Variants in NCOA2 observed in about 807,000 individuals in gnomAD.
The protein encoded by NCOA2 is class E basic helix-loop-helix protein 75.
A neutral mutation model predicts 145.1 loss-of-function variants in NCOA2; 21 were observed. The observed-to-expected ratio is 0.14, with a 90% CI of 0.10 to 0.21. The LOEUF is 0.21. Ranked by LOEUF, NCOA2 falls within the 10% of genes least tolerant of loss-of-function variation. The pLI, the probability that NCOA2 is intolerant of heterozygous loss-of-function variation, is 1.00. For missense variants in NCOA2, 1,472 were observed against 1,837.6 expected (o/e 0.80, Z 3.64); for synonymous variants, 619 against 637.5 (o/e 0.97, Z 0.44).
intron 1 of NCOA2, among the ~76,000 whole-genome samples, chr8:70,297,172 A>G (rs1827153921): frequency 6.6e-6 from 1 of 152,214 alleles, no homozygotes; most frequent in Non-Finnish European, 1.5e-5. Flanking sequence ...CCCACACTGC[A>G]TTCCTAGGGC....
the NCOA2 span, among the ~76,000 whole-genome samples, chr8:70,419,236 T>C: frequency 7.9e-5 from 12 of 152,306 alleles, no homozygotes; most frequent in East Asian, 1.7e-3. Flanking sequence ...GTAGGGACAT[T>C]GTTGCAATTC....
intron 2 of NCOA2, among the ~76,000 whole-genome samples, chr8:70,252,040 T>C (rs113654977): frequency 0.023 from 3,519 of 152,368 alleles, 68 homozygotes; most frequent in Non-Finnish European, 0.035. Context: ...ATAATGCCTA[T>C]ACAAGGTGCT....
intron 1 of NCOA2, among the ~76,000 whole-genome samples, chr8:70,388,138 T>G (rs534329266): frequency 6.6e-5 from 10 of 150,746 alleles, no homozygotes; most frequent in African/African-American, 2.2e-4. Flanking sequence ...TAAATAGAAC[T>G]CCCTGATTCA....
At chr8:70,191,599 T>A (rs1444194397) in intron 4 of NCOA2, among the ~76,000 whole-genome samples, 1 of 151,900 alleles carries the variant, frequency 6.6e-6, no homozygotes, top group Non-Finnish European at 1.5e-5. Context: ...GGCCTTTGTC[T>A]CTAAGAAAAG....
chr8:70,446,040 C>CT, the NCOA2 span, among the ~76,000 whole-genome samples: 37,079 of 148,692 alleles, frequency 0.25, 4,708 homozygotes, highest in East Asian at 0.35. Flanking sequence ...TGTAATTCTA[C>CT]TTTTTTTTTT....
chr8:70,434,816 C>T, the NCOA2 span, among the ~76,000 whole-genome samples: 1 of 152,048 alleles, frequency 6.6e-6, no homozygotes, highest in Non-Finnish European at 1.5e-5. Context: ...AGCCATCCTC[C>T]CACCTTGGTT....
chr8:70,369,447 C>T (rs1210087322), intron 1 of NCOA2, among the ~76,000 whole-genome samples: 1 of 152,128 alleles, frequency 6.6e-6, no homozygotes, highest in Non-Finnish European at 1.5e-5. Flanking sequence ...TGAAATTACT[C>T]CCATCATAAT....
At chr8:70,163,205 G>A (rs1034709261) in intron 8 of NCOA2, among the ~76,000 whole-genome samples, 7 of 152,132 alleles carry the variant, frequency 4.6e-5, no homozygotes, top group East Asian at 1.9e-4. Flanking sequence ...GTGAGCCACC[G>A]TGCCCAGCCA....
intron 2 of NCOA2, among the ~76,000 whole-genome samples, chr8:70,256,577 C>A (rs1223197365): frequency 6.6e-6 from 1 of 152,144 alleles, no homozygotes; most frequent in African/African-American, 2.4e-5. Context: ...AAGAAAAAAG[C>A]AATAAAGGCA....
chr8:70,199,525 G>A (rs916168252), intron 4 of NCOA2, among the ~76,000 whole-genome samples: 5 of 151,930 alleles, frequency 3.3e-5, no homozygotes, highest in Non-Finnish European at 7.4e-5. Flanking sequence ...GCAGGCAGAT[G>A]GGAAGAAGAG....
intron 1 of NCOA2, among the ~76,000 whole-genome samples, chr8:70,380,431 C>A (rs981131750): frequency 6.6e-6 from 1 of 152,114 alleles, no homozygotes; most frequent in Non-Finnish European, 1.5e-5. Flanking sequence ...CCAAATGACA[C>A]TGAACACAAA....
At chr8:70,441,289 GAAGAAAAGA>G in the NCOA2 span, among the ~76,000 whole-genome samples, 3 of 141,744 alleles carry the variant, frequency 2.1e-5, no homozygotes. Flanking sequence ...AATAAAAAAG[GAAGAAAAGA>G]AAGAAAAGAG....
In NCOA2 at chr8:70,110,236, T is replaced by A. The variant is rs911105173; in HGVS notation, c.*3396A>T. ...ATCACTATTCAAACAACATAAAGGTTAAGTGATGATGCACTTATTCAAAAA... is the reference window on the plus strand; with the variant it reads ...ATCACTATTCAAACAACATAAAGGTAAAGTGATGATGCACTTATTCAAAAA... On this transcript the variant is annotated 3_prime_UTR_variant, in exon 23 of 23. Coordinates refer to ENST00000452400, the MANE Select transcript of NCOA2 (RefSeq NM_006540.4). The A allele has an allele frequency of 1.5e-5, 3 of 200,864 alleles. No individual in the cohort carries two copies. The highest frequency in any genetic ancestry group is 6.9e-5 in the African/African-American group (3 of 43,602). 12.4% of individuals were successfully genotyped at this position (200,864 alleles called of 1,614,324 possible). A position where few individuals can be genotyped will look rare whatever the true frequency, so the allele number is the denominator to read the frequency against.
chr8:70,193,309 G>C (rs1586037014), intron 4 of NCOA2, among the ~76,000 whole-genome samples: 1 of 151,968 alleles, frequency 6.6e-6, no homozygotes, highest in South Asian at 2.1e-4. Flanking sequence ...GCATTGGTTT[G>C]ATAGAAAATA....
chr8:70,403,642 C>CCCCGCCTGCCG (rs1424944467), intron 1 of NCOA2, 58 bp downstream of exon 1: 4 of 353,732 alleles, frequency 1.1e-5, no homozygotes, highest in African/African-American at 2.1e-5. Context: ...ACGCGGCGCC[C>CCCCGCCTGCCG]CCCGCCTGCC....
intron 1 of NCOA2, among the ~76,000 whole-genome samples, chr8:70,356,974 T>C: frequency 6.6e-6 from 1 of 152,218 alleles, no homozygotes; most frequent in South Asian, 2.1e-4. Flanking sequence ...TTATTATATA[T>C]GGTTATTTTC....
At chr8:70,424,313 T>C in the NCOA2 span, 1 of 370,878 alleles carries the variant, frequency 2.7e-6, no homozygotes, top group South Asian at 2.2e-5. Flanking sequence ...TTTCCAGCCT[T>C]TCCATCCTTC....
chr8:70,421,623 A>G, the NCOA2 span, among the ~76,000 whole-genome samples: 14,778 of 149,448 alleles, frequency 0.099, 1,010 homozygotes, highest in Middle Eastern at 0.22. Context: ...CATAAAAACT[A>G]TATGTGTCTG....
chr8:70,158,751 CAAAACAAAACAA>C (rs1353021295), intron 10 of NCOA2, among the ~76,000 whole-genome samples: 1 of 151,866 alleles, frequency 6.6e-6, no homozygotes, highest in Non-Finnish European at 1.5e-5. Context: ...GACTCTGCCT[CAAAACAAAACAA>C]AAAACAAAAC....
Sources: allele counts gnomAD v4.1 joint callset (sites outside exome capture counted in the v4.1 genomes callset), GRCh38; gene constraint gnomAD v4.1.1; transcripts MANE v1.5; gene names NCBI Gene and HGNC (gene_info 2026-07-23, HGNC 2026-07-21).